Variants in PAX8 observed in about 807,000 individuals in gnomAD.
PAX8 encodes paired box protein Pax-8.
PAX8 carries 15 observed loss-of-function variants against 52.4 expected under a neutral mutation model. The ratio of observed to expected loss-of-function variants is 0.29; its 90% CI spans 0.19 to 0.44. The LOEUF (loss-of-function observed/expected upper bound fraction) is 0.44. Among genes scored for constraint, PAX8 ranks in the 20% least tolerant of loss-of-function variants. PAX8 has a pLI of 1.00. For missense variants in PAX8, 554 were observed against 602.5 expected (o/e 0.92, Z 0.84); for synonymous variants, 284 against 249.7 (o/e 1.14, Z -1.29).
At chr2:113,248,387 A>G (rs183717387) in intron 2 of PAX8, among the ~76,000 whole-genome samples, 2 of 152,258 alleles carry the variant, frequency 1.3e-5, no homozygotes, top group Admixed American at 6.5e-5. Context: ...TGAACATGCC[A>G]TGGTCTTTTT....
chr2:113,252,232 C>T (rs1691826771), intron 2 of PAX8, among the ~76,000 whole-genome samples: 1 of 152,186 alleles, frequency 6.6e-6, no homozygotes, highest in African/African-American at 2.4e-5. Context: ...GTGCAGTGGC[C>T]TCTTTGGGTG....
At chr2:113,258,043 G>C (rs934296203) in intron 2 of PAX8, among the ~76,000 whole-genome samples, 1 of 152,032 alleles carries the variant, frequency 6.6e-6, no homozygotes, top group Non-Finnish European at 1.5e-5. Flanking sequence ...ACCCACCTCC[G>C]GCGCCACCCC....
intron 9 of PAX8, among the ~76,000 whole-genome samples, chr2:113,234,012 G>C (rs934638113): frequency 5.9e-5 from 9 of 152,330 alleles, no homozygotes; most frequent in African/African-American, 1.9e-4. Context: ...AAGGTCGTCG[G>C]GGTAGGAGGG....
intron 2 of PAX8, among the ~76,000 whole-genome samples, chr2:113,258,064 A>G (rs1692388635): frequency 6.6e-6 from 1 of 152,174 alleles, no homozygotes; most frequent in South Asian, 2.1e-4. Context: ...TGGCAGCAGC[A>G]CTGTATTCCA....
chr2:113,241,534 AG>A lies in PAX8; in HGVS notation c.777+16del, dbSNP rs1190528310. On this transcript the variant is annotated intron_variant, in intron 7 of 11. Coordinates refer to ENST00000429538, the MANE Select transcript of PAX8 (RefSeq NM_003466.4). The stretch of plus-strand genomic sequence containing the variant: ...CCCTTGCCCACCCTGTTCACCTCCC[AG>A]GGCCCAGCTTCTCACCTGCTCGCCT... 6.3e-7 allele frequency: 1 copy of A among 1,594,596 alleles called. No homozygotes were observed. Among genetic ancestry groups the A allele is most frequent in the East Asian group, 2.3e-5 (1 of 44,354 alleles).
intron 2 of PAX8, among the ~76,000 whole-genome samples, chr2:113,262,359 T>G (rs1380190056): frequency 6.6e-6 from 1 of 152,124 alleles, no homozygotes; most frequent in East Asian, 1.9e-4. Context: ...CTTTGGGGGA[T>G]TCTGGCTTGG....
intron 2 of PAX8, among the ~76,000 whole-genome samples, chr2:113,264,938 C>T (rs1241864114): frequency 3.9e-5 from 6 of 151,996 alleles, no homozygotes; most frequent in African/African-American, 9.7e-5. Context: ...GGTTTGCATA[C>T]GGAAATAGTG....
intron 10 of PAX8, chr2:113,226,466 A>T: frequency 1.0e-6 from 1 of 988,454 alleles, no homozygotes; most frequent in South Asian, 4.6e-5. Flanking sequence ...GTCATCTTGA[A>T]TCATCATTGG....
chr2:113,267,015 G>A (rs1172055739), intron 2 of PAX8: 1 of 152,214 alleles, frequency 6.6e-6, no homozygotes, highest in Non-Finnish European at 1.5e-5. Context: ...AAACAAGCTC[G>A]GTGTTGTGCA....
intron 10 of PAX8, among the ~76,000 whole-genome samples, chr2:113,224,780 G>A (rs78480317): frequency 0.02 from 2,838 of 144,230 alleles, 111 homozygotes; most frequent in African/African-American, 0.069. Context: ...ACTGTTAATG[G>A]AGTCAAAACA....
chr2:113,267,425 C>T (rs940184327), intron 2 of PAX8: 1 of 152,218 alleles, frequency 6.6e-6, no homozygotes, highest in African/African-American at 2.4e-5. Context: ...AAGGTCTCTA[C>T]AGGGCTCCAT....
At chr2:113,251,824 A>G (rs569454156) in intron 2 of PAX8, among the ~76,000 whole-genome samples, 45 of 152,338 alleles carry the variant, frequency 3.0e-4, no homozygotes, top group African/African-American at 1.0e-3. Flanking sequence ...CCATGTTCCT[A>G]TAGTCCTTTG....
rs2104462914 is a variant in PAX8, at chr2:113,236,597, G to A, written c.898+4C>T. ...ACCTGCCAGGGAGGCTCCGGGCGTT[G>A]TACCTGCCACCACGGGGTAGGTCTG... On this transcript the variant is annotated splice_donor_region_variant and intron_variant, in intron 8 of 11. Transcript: ENST00000429538. 1 of 1,569,474 alleles carries A rather than the reference G, an allele frequency of 6.4e-7. No homozygotes were observed. The highest frequency in any genetic ancestry group is 1.3e-5 in the African/African-American group (1 of 74,130).
intron 2 of PAX8, among the ~76,000 whole-genome samples, chr2:113,262,349 C>T (rs1188139359): frequency 1.3e-5 from 2 of 152,092 alleles, no homozygotes; most frequent in African/African-American, 4.8e-5. Context: ...TTCAGGCTCT[C>T]TTTGGGGGAT....
chr2:113,255,838 C>T (rs1326574379), intron 2 of PAX8, among the ~76,000 whole-genome samples: 1 of 152,080 alleles, frequency 6.6e-6, no homozygotes, highest in Non-Finnish European at 1.5e-5. Flanking sequence ...GAAAAAACCA[C>T]GAGAGACAGC....
At chr2:113,222,388 T>C (rs948150183) in intron 10 of PAX8, among the ~76,000 whole-genome samples, 1 of 152,222 alleles carries the variant, frequency 6.6e-6, no homozygotes, top group Non-Finnish European at 1.5e-5. Context: ...CACCCACTTA[T>C]TTATGTATTT....
chr2:113,277,050 G>A (rs1374161), intron 2 of PAX8, among the ~76,000 whole-genome samples: 68,472 of 152,096 alleles, frequency 0.45, 16,038 homozygotes, highest in East Asian at 0.72. Context: ...ACCGTAAAGA[G>A]GTGCCAGGGA....
chr2:113,273,126 C>T (rs914090387), intron 2 of PAX8: 3 of 152,380 alleles, frequency 2.0e-5, no homozygotes, highest in African/African-American at 7.2e-5. Context: ...AATAGAGCAG[C>T]TTTAAAATGC....
rs1018809851 is a variant in PAX8 at position 113,236,442 on chromosome 2, C to G, written c.898+159G>C. On this transcript the variant is annotated intron_variant, in intron 8 of 11. Transcript: ENST00000429538. ...CCCCTCGGCCCACCTTGAGGCCCGGCCTAGGACCGGAGGCGCGACCCCTGG... is the reference window on the plus strand; with the variant it reads ...CCCCTCGGCCCACCTTGAGGCCCGGGCTAGGACCGGAGGCGCGACCCCTGG... The G allele has an allele frequency of 4.9e-4, 320 of 654,676 alleles. 1 individual carries two copies. Among genetic ancestry groups the G allele is most frequent in the African/African-American group, 2.2e-3 (119 of 54,090 alleles). 40.6% of individuals were successfully genotyped at this position (654,676 alleles called of 1,614,324 possible). A position where few individuals can be genotyped will look rare whatever the true frequency, so the allele number is the denominator to read the frequency against.
Sources: gnomAD v4.1 joint callset for allele counts (sites outside exome capture counted in the v4.1 genomes callset) on GRCh38, gnomAD v4.1.1 for gene constraint, MANE v1.5 for transcripts, NCBI Gene and HGNC (gene_info 2026-07-23, HGNC 2026-07-21) for gene names.